The following TRERF1 variants were observed in gnomAD, a reference collection of about 807,000 sequenced individuals.
The protein encoded by TRERF1 is transcriptional regulating factor 1.
Under a neutral mutation model 122.9 loss-of-function variants are expected in TRERF1, and 27 were observed. The observed-to-expected ratio is 0.22, with a 90% CI of 0.16 to 0.30. The LOEUF (loss-of-function observed/expected upper bound fraction) is 0.30, where lower values mean the gene tolerates loss of function less well. Ranked by LOEUF, TRERF1 falls within the 10% of genes least tolerant of loss-of-function variation. The probability of loss-of-function intolerance (pLI) is 1.00; values close to 1 mark genes in which losing one functional copy is unlikely to be tolerated. For synonymous variants in TRERF1, 636 were observed against 641.7 expected, an observed-to-expected ratio of 0.99 and a Z score of 0.13; for missense variants, 1,248 against 1,560.3, an observed-to-expected ratio of 0.80 and a Z score of 3.37.
intron 3 of TRERF1, among the ~76,000 whole-genome samples, chr6:42,330,870 G>C (rs1164763691): frequency 1.3e-5 from 2 of 152,044 alleles, no homozygotes; most frequent in African/African-American, 4.8e-5. Flanking sequence ...GTAGAAATGG[G>C]GTTTCACCAT....
At chr6:42,233,528 G>A (rs1013193603) in intron 16 of TRERF1, among the ~76,000 whole-genome samples, 5 of 151,802 alleles carry the variant, frequency 3.3e-5, no homozygotes, top group Admixed American at 1.3e-4. Flanking sequence ...CTTGTGATCT[G>A]CCCGCCTTGG....
intron 3 of TRERF1, among the ~76,000 whole-genome samples, chr6:42,307,166 A>T (rs1787410453): frequency 6.6e-6 from 1 of 152,196 alleles, no homozygotes; most frequent in Non-Finnish European, 1.5e-5. Flanking sequence ...GCTTGCATAT[A>T]CAATGTATCA....
rs756030686 is a variant in TRERF1, at chr6:42,259,370, C to T, written c.2238G>A (p.Thr746=). The change falls in exon 9 of 18, where the codon ACG becomes ACA. Residue 746 remains threonine, a synonymous_variant. Coordinates refer to ENST00000372922, the Ensembl canonical transcript of TRERF1. This position sits in a 1 kb window ranked among gnomAD's most constrained non-coding sequence, Gnocchi z 4.9. ...GACACAGCAGCACCCGTGGTGTGGG[C>T]GTCAGGGGCGTCAGGGGCAGCTGCG... 6.6e-7 allele frequency: 1 copy of T among 1,516,978 alleles called. No individual in the cohort carries two copies. The highest frequency in any genetic ancestry group is 8.7e-7 in the Non-Finnish European group (1 of 1,143,168). 94.0% of individuals were successfully genotyped at this position (1,516,978 alleles called of 1,614,324 possible). A position where few individuals can be genotyped will look rare whatever the true frequency, so the allele number is the denominator to read the frequency against.
At chr6:42,438,296 T>TTAGAAG (rs1235414312) in intron 2 of TRERF1, among the ~76,000 whole-genome samples, 2 of 151,344 alleles carry the variant, frequency 1.3e-5, no homozygotes, top group African/African-American at 4.9e-5. Flanking sequence ...CAGAGCACAT[T>TTAGAAG]GCCTCACCTT....
chr6:42,233,281 C>CTTTTT (rs926204150), intron 16 of TRERF1, among the ~76,000 whole-genome samples: 23 of 128,978 alleles, frequency 1.8e-4, no homozygotes, highest in African/African-American at 5.2e-4. Context: ...AGCTTTCAAA[C>CTTTTT]TTTTTTTTTT....
chr6:42,412,053 T>G (rs1046325849), intron 2 of TRERF1, among the ~76,000 whole-genome samples: 3 of 143,024 alleles, frequency 2.1e-5, no homozygotes, highest in Admixed American at 7.6e-5. Context: ...CAGGCTGGAG[T>G]GCAATGGTGC....
chr6:42,392,921 TACACACACATAC>T (rs1777985853), intron 2 of TRERF1, among the ~76,000 whole-genome samples: 1 of 42,960 alleles, frequency 2.3e-5, no homozygotes, highest in Non-Finnish European at 4.7e-5. Flanking sequence ...CACACACACA[TACACACACATAC>T]ACACACACAC....
intron 2 of TRERF1, among the ~76,000 whole-genome samples, chr6:42,404,653 C>T (rs1032330988): frequency 2.6e-5 from 4 of 152,080 alleles, no homozygotes; most frequent in Non-Finnish European, 5.9e-5. Flanking sequence ...ATTTCCTTAT[C>T]CTCTCACCCC....
intron 2 of TRERF1, among the ~76,000 whole-genome samples, chr6:42,388,224 CTT>C (rs112638565): frequency 1.6e-4 from 22 of 136,404 alleles, no homozygotes; most frequent in African/African-American, 1.6e-4. Flanking sequence ...TGATTTCTTT[CTT>C]TTTTTTTTTT....
At chr6:42,385,636 C>G (rs1385232440) in intron 2 of TRERF1, among the ~76,000 whole-genome samples, 2 of 152,194 alleles carry the variant, frequency 1.3e-5, no homozygotes, top group Non-Finnish European at 2.9e-5. Flanking sequence ...TGAGAATCCT[C>G]CCTGCAGCTC....
chr6:42,229,594 CCT>C (rs1303694148), intron 17 of TRERF1, among the ~76,000 whole-genome samples: 2 of 152,222 alleles, frequency 1.3e-5, no homozygotes, highest in East Asian at 1.9e-4. Flanking sequence ...TTCAGTGGCC[CCT>C]GTCTTTATTG....
At chr6:42,264,767 C>T in exon 7 of TRERF1, 1 of 1,614,248 alleles carries the variant, frequency 6.2e-7, no homozygotes, top group Non-Finnish European at 8.5e-7. Context: ...TCAGGGCAGG[C>T]AGGTTCTTGA....
intron 17 of TRERF1, among the ~76,000 whole-genome samples, chr6:42,231,961 T>C (rs1418716948): frequency 1.3e-5 from 2 of 152,220 alleles, no homozygotes; most frequent in Non-Finnish European, 2.9e-5. Context: ...GGAGTTTCTA[T>C]GTAAGGATTA....
intron 3 of TRERF1, among the ~76,000 whole-genome samples, chr6:42,303,219 C>A (rs760322773): frequency 2.0e-5 from 3 of 152,136 alleles, no homozygotes; most frequent in Non-Finnish European, 4.4e-5. Flanking sequence ...CCAGTGTGTT[C>A]CCTACCTTCA....
At chr6:42,390,670 A>G (rs2151241502) in intron 2 of TRERF1, among the ~76,000 whole-genome samples, 1 of 152,328 alleles carries the variant, frequency 6.6e-6, no homozygotes, top group East Asian at 1.9e-4. Flanking sequence ...GACAGAAATC[A>G]CAACCGCCCG....
chr6:42,437,792 T>C (rs1365432890), intron 2 of TRERF1, among the ~76,000 whole-genome samples: 4 of 152,176 alleles, frequency 2.6e-5, no homozygotes, highest in Non-Finnish European at 5.9e-5. Context: ...TGTGCCTCCA[T>C]TTCCCCACCT....
chr6:42,237,520 T>C (rs912724046), intron 15 of TRERF1, among the ~76,000 whole-genome samples: 21 of 152,302 alleles, frequency 1.4e-4, no homozygotes, highest in African/African-American at 4.8e-4. Context: ...ACCTGTCGTT[T>C]TATAAACGAG....
intron 2 of TRERF1, among the ~76,000 whole-genome samples, chr6:42,433,702 T>C (rs909720165): frequency 3.3e-5 from 5 of 152,030 alleles, no homozygotes; most frequent in South Asian, 2.1e-4. Flanking sequence ...TATCCAAATA[T>C]TGAAGTTGTC....
intron 4 of TRERF1, among the ~76,000 whole-genome samples, chr6:42,271,592 G>T (rs1313231476): frequency 6.6e-6 from 1 of 151,798 alleles, no homozygotes; most frequent in Non-Finnish European, 1.5e-5. Flanking sequence ...ATTTTAAAAA[G>T]TCACCCCCCC....
Sources: gnomAD v4.1 joint callset for allele counts (sites outside exome capture counted in the v4.1 genomes callset) on GRCh38, gnomAD v4.1.1 for gene constraint, Gnocchi (gnomAD v3.1) non-coding constraint, MANE v1.5 for transcripts, NCBI Gene and HGNC (gene_info 2026-07-23, HGNC 2026-07-21) for gene names.